Variants in NBAS observed in about 807,000 individuals in gnomAD.
NBAS encodes the protein NBAS subunit of NRZ tethering complex, also known as NAG/BC035112 fusion.
A neutral mutation model predicts 302.5 loss-of-function variants in NBAS; 219 were observed. The ratio of observed to expected loss-of-function variants is 0.72; its 90% CI spans 0.65 to 0.81. The LOEUF is 0.81. Ranked by LOEUF, NBAS falls within the 30% of genes least tolerant of loss-of-function variation. NBAS has a pLI of 0.00. For missense variants in NBAS, 2,932 were observed against 2,841.6 expected (o/e 1.03, Z -0.72); for synonymous variants, 1,118 against 1,021.6 (o/e 1.09, Z -1.80).
chr2:15,392,745 T>C (rs918306229), intron 28 of NBAS, among the ~76,000 whole-genome samples: 1 of 151,834 alleles, frequency 6.6e-6, no homozygotes, highest in Admixed American at 6.6e-5. Flanking sequence ...AAATTCCAAA[T>C]GAAGAAATTG....
chr2:14,786,360 C>T, the NBAS span, among the ~76,000 whole-genome samples: 1 of 152,062 alleles, frequency 6.6e-6, no homozygotes, highest in Admixed American at 6.5e-5. Flanking sequence ...TTGCCTTCTG[C>T]TAGCTTTTGA....
the NBAS span, among the ~76,000 whole-genome samples, chr2:15,053,394 C>G: frequency 6.6e-6 from 1 of 152,236 alleles, no homozygotes; most frequent in Non-Finnish European, 1.5e-5. Flanking sequence ...CTAGCTCTAT[C>G]TCCAAGTGTG....
At chr2:15,175,807 C>T (rs1259889173) in intron 51 of NBAS, among the ~76,000 whole-genome samples, 1 of 152,224 alleles carries the variant, frequency 6.6e-6, no homozygotes, top group Non-Finnish European at 1.5e-5. Context: ...AGTACAATCT[C>T]TGGCATCAGC....
At chr2:15,027,429 A>C in the NBAS span, among the ~76,000 whole-genome samples, 1 of 109,860 alleles carries the variant, frequency 9.1e-6, no homozygotes, top group Non-Finnish European at 1.8e-5. Flanking sequence ...ATTGTAAATA[A>C]ATTTTTTTCC....
chr2:14,926,703 G>C, the NBAS span, among the ~76,000 whole-genome samples: 2 of 152,088 alleles, frequency 1.3e-5, no homozygotes, highest in Admixed American at 6.5e-5. Context: ...CATCACCACT[G>C]TCCATCTCCA....
At chr2:15,235,431 G>A (rs1393142334) in intron 45 of NBAS, among the ~76,000 whole-genome samples, 1 of 152,126 alleles carries the variant, frequency 6.6e-6, no homozygotes, top group African/African-American at 2.4e-5. Context: ...TAAGAAATAA[G>A]AGGGAAGCTA....
intron 38 of NBAS, among the ~76,000 whole-genome samples, chr2:15,312,351 T>C (rs1221301609): frequency 6.6e-6 from 1 of 152,206 alleles, no homozygotes; most frequent in Non-Finnish European, 1.5e-5. Context: ...CTTGGCTCAC[T>C]GTAGCCTCAA....
the NBAS span, among the ~76,000 whole-genome samples, chr2:15,117,536 A>G: frequency 6.6e-6 from 1 of 152,298 alleles, no homozygotes; most frequent in East Asian, 1.9e-4. Context: ...TAGAGGAAAA[A>G]AGTAGGGCCT....
At chr2:14,786,606 T>C in the NBAS span, among the ~76,000 whole-genome samples, 2 of 152,206 alleles carry the variant, frequency 1.3e-5, no homozygotes, top group Admixed American at 1.3e-4. Flanking sequence ...GAGCAGGTTG[T>C]TCAGTTTGCA....
chr2:15,274,883 G>A (rs1360416601), intron 44 of NBAS, among the ~76,000 whole-genome samples: 1 of 151,722 alleles, frequency 6.6e-6, no homozygotes, highest in East Asian at 1.9e-4. Flanking sequence ...TCCTGCCTCA[G>A]CCTCCCGAGT....
the NBAS span, among the ~76,000 whole-genome samples, chr2:15,057,858 A>G: frequency 6.6e-6 from 1 of 152,116 alleles, no homozygotes. Context: ...TGATTTTGCT[A>G]TTGTGAATTG....
At chr2:15,559,262 C>G (rs1338648986) in intron 1 of NBAS, among the ~76,000 whole-genome samples, 1 of 152,028 alleles carries the variant, frequency 6.6e-6, no homozygotes. Flanking sequence ...GTTGCCAGTT[C>G]AGCATACTCT....
At chr2:14,869,498 T>C in the NBAS span, among the ~76,000 whole-genome samples, 1 of 152,116 alleles carries the variant, frequency 6.6e-6, no homozygotes, top group African/African-American at 2.4e-5. Context: ...ACTCCTTCTT[T>C]TATGTTTTAA....
chr2:15,301,347 G>A (rs967209300), intron 40 of NBAS, among the ~76,000 whole-genome samples: 1 of 152,172 alleles, frequency 6.6e-6, no homozygotes, highest in Non-Finnish European at 1.5e-5. Context: ...GTTGCTCAAA[G>A]GATCAAACAG....
At chr2:14,809,064 A>G in the NBAS span, among the ~76,000 whole-genome samples, 6 of 152,312 alleles carry the variant, frequency 3.9e-5, no homozygotes, top group South Asian at 6.2e-4. Flanking sequence ...AGCATTCAAG[A>G]TGTGATTTGG....
chr2:15,190,653 C>A (rs1477975257), intron 48 of NBAS, among the ~76,000 whole-genome samples: 3 of 152,148 alleles, frequency 2.0e-5, no homozygotes, highest in Non-Finnish European at 4.4e-5. Context: ...AACAAGCAGA[C>A]TTCCACAGAA....
the NBAS span, among the ~76,000 whole-genome samples, chr2:14,928,665 T>A: frequency 1.3e-5 from 2 of 152,058 alleles, no homozygotes; most frequent in Non-Finnish European, 2.9e-5. Flanking sequence ...GGGTTTTGTT[T>A]TTTTTTTTAA....
At chr2:14,840,472 A>G in the NBAS span, among the ~76,000 whole-genome samples, 1 of 152,104 alleles carries the variant, frequency 6.6e-6, no homozygotes, top group Non-Finnish European at 1.5e-5. Context: ...ATAAAAAGGC[A>G]TAAGAAAATA....
At chr2:14,982,215 T>A in the NBAS span, among the ~76,000 whole-genome samples, 1 of 151,840 alleles carries the variant, frequency 6.6e-6, no homozygotes, top group African/African-American at 2.4e-5. Context: ...ACCAGCACCA[T>A]CCCCCGGCTG....
Sources: allele counts gnomAD v4.1 joint callset (sites outside exome capture counted in the v4.1 genomes callset), GRCh38; gene constraint gnomAD v4.1.1; transcripts MANE v1.5; gene names NCBI Gene and HGNC (gene_info 2026-07-23, HGNC 2026-07-21).